The following GALNT1 variants were observed in gnomAD, a reference collection of about 807,000 sequenced individuals.
The protein encoded by GALNT1 is polypeptide N-acetylgalactosaminyltransferase 1.
In GALNT1, 17 loss-of-function variants were observed where a neutral mutation model predicts 65.7. The observed-to-expected ratio is 0.26, with a 90% CI of 0.18 to 0.39. The LOEUF is 0.39. GALNT1 is among the 10% of genes least tolerant of loss of function. The probability of loss-of-function intolerance (pLI) is 1.00; values close to 1 mark genes in which losing one functional copy is unlikely to be tolerated. For missense variants in GALNT1, 460 were observed against 672.8 expected (o/e 0.68, Z 3.50); for synonymous variants, 210 against 219.7 (o/e 0.96, Z 0.39).
chr18:35,660,628 T>G (rs1162879648), intron 2 of GALNT1, among the ~76,000 whole-genome samples: 1 of 152,178 alleles, frequency 6.6e-6, no homozygotes, highest in African/African-American at 2.4e-5. Flanking sequence ...CTACTTTTAA[T>G]ACACATAGAA....
At chr18:35,655,184 TCCCCTCC>T (rs1383165228) in intron 2 of GALNT1, among the ~76,000 whole-genome samples, 1 of 152,026 alleles carries the variant, frequency 6.6e-6, no homozygotes, top group Non-Finnish European at 1.5e-5. Context: ...AGATTACTCC[TCCCCTCC>T]CATCTCATTC....
At chr18:35,667,325 C>T (rs1472202263) in intron 3 of GALNT1, among the ~76,000 whole-genome samples, 3 of 152,188 alleles carry the variant, frequency 2.0e-5, no homozygotes, top group Non-Finnish European at 4.4e-5. Flanking sequence ...CCTATGTCGA[C>T]ACCCGTGTGG....
At chr18:35,705,104 G>C (rs540871751) in intron 11 of GALNT1, among the ~76,000 whole-genome samples, 1 of 152,188 alleles carries the variant, frequency 6.6e-6, no homozygotes, top group Admixed American at 6.5e-5. Flanking sequence ...ACTGACTTTG[G>C]CCATCTTTCC....
At chr18:35,677,490 G>A in intron 3 of GALNT1, 101 bp from the exon 4 acceptor site, 1 of 878,118 alleles carries the variant, frequency 1.1e-6, no homozygotes. Context: ...CCCACCACTA[G>A]AGCAAACTGC....
At chr18:35,593,201 AG>A (rs1371616637) in intron 1 of GALNT1, among the ~76,000 whole-genome samples, 1 of 152,100 alleles carries the variant, frequency 6.6e-6, no homozygotes, top group African/African-American at 2.4e-5. Flanking sequence ...CCTCATTAGG[AG>A]GATTAGAGAG....
intron 9 of GALNT1, among the ~76,000 whole-genome samples, chr18:35,700,410 A>G (rs1280199661): frequency 6.6e-6 from 1 of 152,176 alleles, no homozygotes; most frequent in Admixed American, 6.5e-5. Context: ...CAGGAGCCTG[A>G]ATCTGGGTCT....
At chr18:35,633,369 A>T (rs1447705691) in intron 1 of GALNT1, among the ~76,000 whole-genome samples, 1 of 152,202 alleles carries the variant, frequency 6.6e-6, no homozygotes, top group African/African-American at 2.4e-5. Context: ...CAACCATAAA[A>T]ATGGATGAGT....
chr18:35,661,160 C>A (rs2047471834), intron 2 of GALNT1, among the ~76,000 whole-genome samples: 2 of 151,810 alleles, frequency 1.3e-5, no homozygotes, highest in Non-Finnish European at 2.9e-5. Flanking sequence ...CCTTAATGCC[C>A]CCCTCCACCA....
chr18:35,582,028 C>G (rs2046328181), intron 1 of GALNT1, among the ~76,000 whole-genome samples, 166 bp downstream of exon 1: 1 of 151,992 alleles, frequency 6.6e-6, no homozygotes, highest in South Asian at 2.1e-4. Context: ...GTCTGGGACC[C>G]CGGTGCCGTT....
chr18:35,620,908 C>G (rs2046843432), intron 1 of GALNT1, among the ~76,000 whole-genome samples: 1 of 151,966 alleles, frequency 6.6e-6, no homozygotes, highest in Admixed American at 6.6e-5. Flanking sequence ...CTTTCTTCAG[C>G]TTTATGAGAT....
intron 3 of GALNT1, among the ~76,000 whole-genome samples, chr18:35,665,379 A>G (rs1013485345): frequency 4.6e-5 from 7 of 152,190 alleles, no homozygotes; most frequent in Admixed American, 4.6e-4. Flanking sequence ...CATTGAAATA[A>G]CAATCAAGAA....
intron 11 of GALNT1, 101 bp from the exon 12 acceptor site, chr18:35,709,523 C>A (rs2048322011): frequency 3.3e-6 from 4 of 1,213,118 alleles, no homozygotes; most frequent in South Asian, 2.9e-5. Context: ...TGTATATTAC[C>A]AAAAAAAACA....
At chr18:35,632,566 C>G (rs1274997713) in intron 1 of GALNT1, among the ~76,000 whole-genome samples, 1 of 152,188 alleles carries the variant, frequency 6.6e-6, no homozygotes, top group Non-Finnish European at 1.5e-5. Context: ...GGATTAAAGA[C>G]TTAAATGTCA....
intron 9 of GALNT1, among the ~76,000 whole-genome samples, chr18:35,698,191 C>A (rs534195768): frequency 6.6e-6 from 1 of 152,174 alleles, no homozygotes; most frequent in Non-Finnish European, 1.5e-5. Context: ...AATTAGGCCA[C>A]GCCTGGTGAC....
intron 1 of GALNT1, among the ~76,000 whole-genome samples, chr18:35,623,189 G>C (rs548298213): frequency 6.6e-6 from 1 of 152,236 alleles, no homozygotes; most frequent in African/African-American, 2.4e-5. Context: ...TCCATCTGGT[G>C]TCATTTCCCT....
chr18:35,633,536 G>A (rs2047048046), intron 1 of GALNT1, among the ~76,000 whole-genome samples: 1 of 139,202 alleles, frequency 7.2e-6, no homozygotes, highest in African/African-American at 2.7e-5. Flanking sequence ...ACACACTGGG[G>A]TCTGTTGTGG....
At chr18:35,610,184 G>A (rs1350653786) in intron 1 of GALNT1, among the ~76,000 whole-genome samples, 1 of 152,180 alleles carries the variant, frequency 6.6e-6, no homozygotes, top group Non-Finnish European at 1.5e-5. Context: ...TGAATGAAGA[G>A]CAGGGCATGG....
chr18:35,678,356 C>T (rs2047740787), intron 4 of GALNT1, among the ~76,000 whole-genome samples: 1 of 151,988 alleles, frequency 6.6e-6, no homozygotes, highest in Non-Finnish European at 1.5e-5. Context: ...CCACGTCCTT[C>T]TAGGAGTCTC....
At chr18:35,585,359 T>C (rs958099564) in intron 1 of GALNT1, among the ~76,000 whole-genome samples, 6 of 152,212 alleles carry the variant, frequency 3.9e-5, no homozygotes, top group African/African-American at 1.4e-4. Context: ...TTTTCATAGA[T>C]TTGCTCAAGG....
Sources: gnomAD v4.1 joint callset for allele counts (sites outside exome capture counted in the v4.1 genomes callset) on GRCh38, gnomAD v4.1.1 for gene constraint, MANE v1.5 for transcripts, NCBI Gene and HGNC (gene_info 2026-07-23, HGNC 2026-07-21) for gene names.